ADORA2B: variants seen among roughly 807,000 people sequenced by gnomAD.
ADORA2B encodes adenosine receptor A2b.
A neutral mutation model predicts 20.8 loss-of-function variants in ADORA2B; 18 were observed. The ratio of observed to expected loss-of-function variants is 0.87; its 90% CI spans 0.60 to 1.29. The LOEUF (loss-of-function observed/expected upper bound fraction) is 1.29, where lower values mean the gene tolerates loss of function less well. Among genes scored for constraint, ADORA2B ranks in the 50% most tolerant of loss-of-function variants. The pLI is 0.00. For missense variants in ADORA2B, 441 were observed against 422.7 expected, an observed-to-expected ratio of 1.04 and a Z score of -0.38; for synonymous variants, 179 against 178.3, an observed-to-expected ratio of 1.00 and a Z score of -0.03.
chr17:15,852,450 A>G, the ADORA2B span, among the ~76,000 whole-genome samples: 5 of 152,140 alleles, frequency 3.3e-5, 1 homozygote, highest in Admixed American at 3.3e-4. Flanking sequence ...CAGAACCTCA[A>G]CTTATAGCCA....
the ADORA2B span, among the ~76,000 whole-genome samples, chr17:15,901,012 T>C: frequency 1.3e-5 from 2 of 152,112 alleles, no homozygotes; most frequent in Non-Finnish European, 2.9e-5. Flanking sequence ...GTTTAGTCCA[T>C]GAAGGTTGTT....
the ADORA2B span, among the ~76,000 whole-genome samples, chr17:15,920,084 T>C: frequency 7.0e-3 from 1,071 of 152,328 alleles, 19 homozygotes; most frequent in African/African-American, 0.024. Flanking sequence ...TGAAATCTTT[T>C]ATTTTGAAGC....
the ADORA2B span, among the ~76,000 whole-genome samples, chr17:15,873,081 T>C: frequency 1.3e-5 from 2 of 152,208 alleles, no homozygotes; most frequent in Non-Finnish European, 2.9e-5. Flanking sequence ...CAAGTTCTTT[T>C]ATGCCTAGTT....
chr17:15,896,768 A>C, the ADORA2B span, among the ~76,000 whole-genome samples: 3 of 152,116 alleles, frequency 2.0e-5, no homozygotes, highest in Admixed American at 2.0e-4. Context: ...TTTAGACATC[A>C]CTTCCACCTG....
the ADORA2B span, among the ~76,000 whole-genome samples, chr17:15,864,885 C>A: frequency 6.6e-6 from 1 of 151,614 alleles, no homozygotes; most frequent in African/African-American, 2.4e-5. Flanking sequence ...GTTTTCTTTG[C>A]GTGACTGTTA....
At chr17:15,866,929 C>T in the ADORA2B span, among the ~76,000 whole-genome samples, 9 of 152,256 alleles carry the variant, frequency 5.9e-5, no homozygotes, top group South Asian at 2.1e-4. Context: ...CGATTGCAGG[C>T]GCGCGCCGCC....
At chr17:15,889,770 C>T in the ADORA2B span, among the ~76,000 whole-genome samples, 1 of 128,356 alleles carries the variant, frequency 7.8e-6, no homozygotes, top group Non-Finnish European at 1.6e-5. Context: ...TGGTAGCGTG[C>T]GCCTGTAATC....
intron 1 of ADORA2B, among the ~76,000 whole-genome samples, chr17:15,949,968 T>A (rs1969875765): frequency 6.6e-6 from 1 of 152,216 alleles, no homozygotes; most frequent in Non-Finnish European, 1.5e-5. Context: ...GTGTTACCTT[T>A]CTCTTCCAGA....
chr17:15,863,997 A>C, the ADORA2B span: 1 of 182,470 alleles, frequency 5.5e-6, no homozygotes, highest in East Asian at 1.3e-4. Flanking sequence ...AGTTCTTGTG[A>C]ATTTGAGGAT....
the ADORA2B span, among the ~76,000 whole-genome samples, chr17:15,898,109 A>G: frequency 6.6e-6 from 1 of 152,206 alleles, no homozygotes; most frequent in Non-Finnish European, 1.5e-5. Context: ...AGGAGTGAGG[A>G]AACTTACACA....
At chr17:15,864,990 G>C in the ADORA2B span, among the ~76,000 whole-genome samples, 6 of 151,112 alleles carry the variant, frequency 4.0e-5, no homozygotes, top group African/African-American at 1.5e-4. Context: ...CAAGGAGACA[G>C]CTTTTGCTAA....
the ADORA2B span, among the ~76,000 whole-genome samples, chr17:15,925,348 A>G: frequency 1.3e-5 from 2 of 152,048 alleles, no homozygotes; most frequent in Non-Finnish European, 2.9e-5. Flanking sequence ...CTTTTAAAAT[A>G]CATATAGAAA....
chr17:15,874,552 C>T, the ADORA2B span, among the ~76,000 whole-genome samples: 7 of 151,286 alleles, frequency 4.6e-5, no homozygotes, highest in Middle Eastern at 3.2e-3. Flanking sequence ...AATAAGCAGG[C>T]GTGGTGGCAT....
the ADORA2B span, among the ~76,000 whole-genome samples, chr17:15,909,861 GA>G: frequency 6.6e-6 from 1 of 152,198 alleles, no homozygotes; most frequent in East Asian, 1.9e-4. Context: ...TAACAAAAAG[GA>G]ATGCAGCTGC....
the ADORA2B span, among the ~76,000 whole-genome samples, chr17:15,867,317 C>T: frequency 2.0e-5 from 3 of 151,984 alleles, no homozygotes; most frequent in East Asian, 1.9e-4. Context: ...TCTGCCCGGC[C>T]GCCATCCCAT....
chr17:15,864,419 T>C, the ADORA2B span, among the ~76,000 whole-genome samples: 3 of 151,866 alleles, frequency 2.0e-5, no homozygotes, highest in Non-Finnish European at 2.9e-5. Context: ...GTTCTTAGGC[T>C]CTTGATGCAA....
the ADORA2B span, among the ~76,000 whole-genome samples, chr17:15,909,205 G>GCAA: frequency 8.1e-4 from 123 of 151,544 alleles, no homozygotes; most frequent in East Asian, 0.011. Flanking sequence ...AAAAAAAACA[G>GCAA]CAACAACAAC....
At chr17:15,967,881 C>A (rs11871236) in intron 1 of ADORA2B, among the ~76,000 whole-genome samples, 16,783 of 152,070 alleles carry the variant, frequency 0.11, 1,685 homozygotes, top group African/African-American at 0.27. Context: ...AACTGGGTGG[C>A]AGTGTGAGTG....
At chr17:15,948,457 G>T (rs1969847787) in intron 1 of ADORA2B, among the ~76,000 whole-genome samples, 1 of 148,230 alleles carries the variant, frequency 6.7e-6, no homozygotes, top group Non-Finnish European at 1.5e-5. Flanking sequence ...CTCCTGGGCT[G>T]GGGGAGGTGG....
Sources: allele counts gnomAD v4.1 joint callset (sites outside exome capture counted in the v4.1 genomes callset), GRCh38; gene constraint gnomAD v4.1.1; transcripts MANE v1.5; gene names NCBI Gene and HGNC (gene_info 2026-07-23, HGNC 2026-07-21).